The following DPF3 variants were observed in gnomAD, a reference collection of about 807,000 sequenced individuals.
The protein encoded by DPF3 is double PHD fingers 3.
DPF3 carries 18 observed loss-of-function variants against 56.8 expected under a neutral mutation model. The observed-to-expected ratio is 0.32, with a 90% CI of 0.22 to 0.47. The LOEUF (loss-of-function observed/expected upper bound fraction) is 0.47, where lower values mean the gene tolerates loss of function less well. DPF3 is among the 20% of genes least tolerant of loss of function. The pLI, the probability that DPF3 is intolerant of heterozygous loss-of-function variation, is 1.00. For synonymous variants in DPF3, 188 were observed against 180.2 expected (o/e 1.04, Z -0.35); for missense variants, 403 against 488.8 (o/e 0.82, Z 1.65).
chr14:72,810,255 C>T (rs1212688656), intron 1 of DPF3, among the ~76,000 whole-genome samples: 1 of 152,200 alleles, frequency 6.6e-6, no homozygotes, highest in Non-Finnish European at 1.5e-5. Flanking sequence ...ATCCCTCCAA[C>T]TCAGAACATG....
intron 2 of DPF3, among the ~76,000 whole-genome samples, chr14:72,764,490 T>TTG (rs1891187115): frequency 8.6e-6 from 1 of 116,230 alleles, no homozygotes; most frequent in African/African-American, 4.0e-5. Flanking sequence ...AGTTGTTTTT[T>TTG]TTTTTTTTTT....
intron 1 of DPF3, among the ~76,000 whole-genome samples, chr14:72,844,389 G>A (rs1024546888): frequency 2.0e-5 from 3 of 152,134 alleles, no homozygotes; most frequent in Non-Finnish European, 4.4e-5. Context: ...CATTTTGATT[G>A]GAGGGGGGAA....
At chr14:72,741,739 A>G (rs1332659026) in intron 3 of DPF3, among the ~76,000 whole-genome samples, 1 of 152,246 alleles carries the variant, frequency 6.6e-6, no homozygotes, top group Non-Finnish European at 1.5e-5. Context: ...ACAGATGAAG[A>G]AACAGATGGG....
At chr14:72,846,258 G>A (rs890930865) in intron 1 of DPF3, among the ~76,000 whole-genome samples, 6 of 150,166 alleles carry the variant, frequency 4.0e-5, no homozygotes, top group African/African-American at 9.8e-5. Context: ...TTACAGGCAC[G>A]TGCCACCACA....
rs185051803 is a variant in DPF3 at position 72,712,980 on chromosome 14, A to G, written c.604+1443T>C. Among the ~76,000 whole-genome samples, 221 of 152,400 alleles carry G rather than the reference A, an allele frequency of 1.5e-3. 2 individuals carry two copies. Among genetic ancestry groups the G allele is most frequent in the Admixed American group, 0.012 (186 of 15,314 alleles). ...GATAGATGTGCTGGTCAAGCCAAAC[A>G]CAGCTAGAAAGCCCAAGACGGTCTG... On this transcript the variant is annotated intron_variant, in intron 6 of 10. Coordinates refer to ENST00000556509, the MANE Select transcript of DPF3 (RefSeq NM_001280542.3).
intron 1 of DPF3, among the ~76,000 whole-genome samples, chr14:72,821,623 T>C (rs1304717195): frequency 1.4e-5 from 2 of 146,812 alleles, no homozygotes; most frequent in Middle Eastern, 3.6e-3. Context: ...GTGAGATGTG[T>C]AGATGACTTA....
intron 8 of DPF3, among the ~76,000 whole-genome samples, chr14:72,668,907 C>A (rs1886547963): frequency 6.6e-6 from 1 of 152,188 alleles, no homozygotes. Context: ...TACATTGTAT[C>A]CCCGTAGCAG....
intron 8 of DPF3, among the ~76,000 whole-genome samples, chr14:72,636,450 T>C (rs1377116987): frequency 6.6e-6 from 1 of 152,132 alleles, no homozygotes; most frequent in East Asian, 1.9e-4. Flanking sequence ...TCTCTTTCTC[T>C]TCTCTCCCTC....
intron 2 of DPF3, among the ~76,000 whole-genome samples, chr14:72,756,957 G>T (rs1890860104): frequency 8.9e-6 from 1 of 112,266 alleles, no homozygotes; most frequent in Non-Finnish European, 1.9e-5. Context: ...AAGGGAGAGG[G>T]AAAGAGGGGG....
At chr14:72,772,995 A>G (rs922984226) in intron 1 of DPF3, among the ~76,000 whole-genome samples, 1 of 152,222 alleles carries the variant, frequency 6.6e-6, no homozygotes, top group Non-Finnish European at 1.5e-5. Context: ...CTGAAGCAAC[A>G]TTATGATATC....
rs1403789477 is a variant in DPF3, at chr14:72,616,870, AG to A, written c.*2426del. 2.0e-5 allele frequency among the ~76,000 whole-genome samples: 3 copies of A among 152,228 alleles called. No homozygotes were observed. Among genetic ancestry groups the A allele is most frequent in the African/African-American group, 7.2e-5 (3 of 41,474 alleles). ...ACCACGGAGACTTTTGTCTGCTTGT[AG>A]TACCCTGACAGTGCCAGCCCACAAG... On this transcript the variant is annotated 3_prime_UTR_variant, in exon 11 of 11. Coordinates refer to ENST00000556509, the MANE Select transcript of DPF3 (RefSeq NM_001280542.3).
chr14:72,690,397 C>T (rs1230300899), intron 7 of DPF3, among the ~76,000 whole-genome samples: 1 of 152,160 alleles, frequency 6.6e-6, no homozygotes, highest in East Asian at 1.9e-4. Context: ...CAGCACACCT[C>T]CCCGTGCAGC....
chr14:72,704,751 A>T (rs974658955), intron 6 of DPF3, among the ~76,000 whole-genome samples: 12 of 152,224 alleles, frequency 7.9e-5, no homozygotes, highest in African/African-American at 2.9e-4. Flanking sequence ...CAAGTGCAAG[A>T]TGTCAAGAGT....
At chr14:72,752,420 TGGGAAGCCAAGGCA>T (rs1453904165) in intron 3 of DPF3, among the ~76,000 whole-genome samples, 20 of 152,192 alleles carry the variant, frequency 1.3e-4, no homozygotes, top group Non-Finnish European at 1.8e-4. Context: ...CCCAGCACTT[TGGGAAGCCAAGGCA>T]GGCAGATCGC....
intron 6 of DPF3, among the ~76,000 whole-genome samples, chr14:72,700,354 A>C (rs1888105036): frequency 6.6e-6 from 1 of 152,176 alleles, no homozygotes; most frequent in Non-Finnish European, 1.5e-5. Context: ...CTTAATATTT[A>C]TTGAACAAGG....
intron 2 of DPF3, among the ~76,000 whole-genome samples, chr14:72,760,199 G>A (rs11561560): frequency 0.07 from 10,595 of 152,148 alleles, 574 homozygotes; most frequent in Admixed American, 0.17. Flanking sequence ...GGCCGGGCGC[G>A]GTGGCTCATA....
intron 1 of DPF3, among the ~76,000 whole-genome samples, chr14:72,872,530 C>T (rs139583700): frequency 9.3e-4 from 142 of 152,316 alleles, no homozygotes; most frequent in Non-Finnish European, 1.4e-3. Context: ...TTTCTTCCAC[C>T]AAGCTACCAA....
chr14:72,687,692 G>A (rs1887471415), intron 7 of DPF3, among the ~76,000 whole-genome samples: 1 of 152,136 alleles, frequency 6.6e-6, no homozygotes, highest in Admixed American at 6.5e-5. Flanking sequence ...TCCCTCCTAA[G>A]AAATTCCTTC....
chr14:72,855,531 C>T (rs909126212), intron 1 of DPF3, among the ~76,000 whole-genome samples: 12 of 152,198 alleles, frequency 7.9e-5, no homozygotes, highest in African/African-American at 2.9e-4. Context: ...CTGTAAAGAC[C>T]TTCCCAGAAT....
Sources: allele counts gnomAD v4.1 joint callset (sites outside exome capture counted in the v4.1 genomes callset), GRCh38; gene constraint gnomAD v4.1.1; transcripts MANE v1.5; gene names NCBI Gene and HGNC (gene_info 2026-07-23, HGNC 2026-07-21).